Variants in KBTBD11 observed in about 807,000 individuals in gnomAD.
The protein encoded by KBTBD11 is kelch repeat and BTB domain containing 11, also known as kelch repeat and BTB domain-containing protein 11.
For synonymous variants in KBTBD11, 747 were observed against 499.0 expected (o/e 1.50, Z -6.63); for missense variants, 1,390 against 1,001.8 (o/e 1.39, Z -5.23).
chr8:1,995,545 T>C (rs1817105427), intron 1 of KBTBD11, among the ~76,000 whole-genome samples: 1 of 152,156 alleles, frequency 6.6e-6, no homozygotes, highest in African/African-American at 2.4e-5. Context: ...GGGCTGGGTG[T>C]GAGGACGGCC....
Position 2,002,210 on chromosome 8 carries a change from C to G in KBTBD11, c.1018C>G (p.Leu340Val). 7.9e-7 allele frequency: 1 copy of G among 1,262,040 alleles called. No homozygotes were observed. Among genetic ancestry groups the G allele is most frequent in the Non-Finnish European group, 9.9e-7 (1 of 1,007,514 alleles). 78.2% of individuals were successfully genotyped at this position (1,262,040 alleles called of 1,614,324 possible). Reference sequence around the variant, plus strand: ...CGCGGCGGCCGGAGAGTGGCGCGAGCTGACGCGGCTGCCCGAGGGCGCGCC... The same window carrying G: ...CGCGGCGGCCGGAGAGTGGCGCGAGGTGACGCGGCTGCCCGAGGGCGCGCC... ...FHAAAGEWRE[L>V]TRLPEGAPAR... is the part of the protein sequence containing the mutation. Residue 340 changes from leucine (L) to valine (V), a missense_variant, in exon 2 of 2, where the codon CTG (leucine) becomes GTG (valine). By Grantham distance (32) the Leu-to-Val change is conservative. Transcript: ENST00000320248. This position sits in a 1 kb window ranked among gnomAD's most constrained non-coding sequence, Gnocchi z 4.1.
At chr8:1,996,015 C>A (rs564677826) in intron 1 of KBTBD11, among the ~76,000 whole-genome samples, 20 of 152,150 alleles carry the variant, frequency 1.3e-4, no homozygotes, top group African/African-American at 4.1e-4. Context: ...CAGAGCAAGA[C>A]CCTGTCTCAA....
At chr8:1,987,900 G>A (rs1278095179) in intron 1 of KBTBD11, among the ~76,000 whole-genome samples, 2 of 151,718 alleles carry the variant, frequency 1.3e-5, no homozygotes, top group African/African-American at 2.4e-5. Flanking sequence ...AGCCCCCGAC[G>A]GGCCCCGGTG....
intron 1 of KBTBD11, among the ~76,000 whole-genome samples, chr8:1,977,843 AT>A (rs1339723042): frequency 6.6e-6 from 1 of 152,130 alleles, no homozygotes; most frequent in African/African-American, 2.4e-5. Flanking sequence ...GCTCAGAGCA[AT>A]TATTTTTTAA....
Position 2,001,970 on chromosome 8 carries a change from A to G in KBTBD11, c.778A>G (p.Ser260Gly). The change falls in exon 2 of 2, where the codon AGC becomes GGC. Residue 260 changes from serine (S) to glycine (G), a missense_variant. Physicochemically the swap from Ser to Gly is moderately conservative, Grantham distance 56. Transcript: ENST00000320248. ...ELRDAAYCFM[S>G]DHYLEVLREP... The stretch of plus-strand genomic sequence containing the variant: ...GCGCGACGCCGCCTACTGCTTCATG[A>G]GCGACCACTATCTGGAGGTGCTGCG... The G allele has an allele frequency of 1.4e-6, 2 of 1,468,130 alleles. No individual in the cohort carries two copies. Among genetic ancestry groups the G allele is most frequent in the Non-Finnish European group, 9.0e-7 (1 of 1,106,472 alleles). 90.9% of individuals were successfully genotyped at this position (1,468,130 alleles called of 1,614,324 possible). A position where few individuals can be genotyped will look rare whatever the true frequency, so the allele number is the denominator to read the frequency against.
At position 1,973,907 on chromosome 8, in the gene KBTBD11, C is replaced by A. The variant is rs1816210691; in HGVS notation, c.-937C>A. On this transcript the variant is annotated 5_prime_UTR_variant, in exon 1 of 2. Transcript: ENST00000320248. Reference sequence around the variant, plus strand: ...CACCCGCCTGGCTGCGCGTCCCGGGCCCGGCGGCTGAAGAGGAGCCGCGGC... The same window carrying A: ...CACCCGCCTGGCTGCGCGTCCCGGGACCGGCGGCTGAAGAGGAGCCGCGGC... 1.0e-6 allele frequency: 1 copy of A among 982,932 alleles called. No individual in the cohort carries two copies. The allele number at this position is 982,932 out of a possible 1,614,324, so 60.9% of individuals were successfully genotyped here. A position where few individuals can be genotyped will look rare whatever the true frequency, so the allele number is the denominator to read the frequency against.
chr8:2,003,614 T>C lies in KBTBD11; in HGVS notation c.*550T>C, dbSNP rs1817482686. The C allele has an allele frequency of 6.0e-6, 1 of 167,082 alleles. No homozygotes were observed. The highest frequency in any genetic ancestry group is 2.1e-4 in the South Asian group (1 of 4,836). The allele number at this position is 167,082 out of a possible 1,614,324, so 10.3% of individuals were successfully genotyped here. ...TGGCTCAACTCCAAAAAGAGTAATT[T>C]AATAAGCATTAAAGGTAAAATCTTT... On this transcript the variant is annotated 3_prime_UTR_variant, in exon 2 of 2. Coordinates refer to ENST00000320248, the MANE Select transcript of KBTBD11 (RefSeq NM_014867.3).
At position 2,000,670 on chromosome 8, in the gene KBTBD11, G is replaced by T. The variant is rs549188129; in HGVS notation, c.-523G>T. On this transcript the variant is annotated 5_prime_UTR_variant, in exon 2 of 2. The change creates a premature stop within an existing upstream ORF in the 5' untranslated region. Coordinates refer to ENST00000320248, the MANE Select transcript of KBTBD11 (RefSeq NM_014867.3). The stretch of plus-strand genomic sequence containing the variant: ...GGGGCGCGGTGATATGACAGCATGT[G>T]AAGTGAGTGGGTGAGCACGGACTCC... 6.5e-6 allele frequency: 1 copy of T among 154,306 alleles called. No individual in the cohort carries two copies. The highest frequency in any genetic ancestry group is 2.4e-5 in the African/African-American group (1 of 41,668). 9.6% of individuals were successfully genotyped at this position (154,306 alleles called of 1,614,324 possible).
At chr8:1,989,628 A>G (rs962106245) in intron 1 of KBTBD11, among the ~76,000 whole-genome samples, 5 of 152,218 alleles carry the variant, frequency 3.3e-5, no homozygotes, top group African/African-American at 9.7e-5. Context: ...CAGGAAATCT[A>G]TGCAACAAGT....
intron 1 of KBTBD11, among the ~76,000 whole-genome samples, chr8:1,995,968 G>A (rs188480781): frequency 2.6e-5 from 4 of 152,268 alleles, no homozygotes; most frequent in Admixed American, 2.0e-4. Flanking sequence ...AAGCTGCAGT[G>A]AGCCATGCTT....
chr8:2,002,174 T>G lies in KBTBD11; in HGVS notation c.982T>G (p.Tyr328Asp). 1 of 1,237,580 alleles carries G rather than the reference T, an allele frequency of 8.1e-7. No homozygotes were observed. Among genetic ancestry groups the G allele is most frequent in the Non-Finnish European group, 1.0e-6 (1 of 993,184 alleles). The allele number at this position is 1,237,580 out of a possible 1,614,324, so 76.7% of individuals were successfully genotyped here. Residue 328 changes from tyrosine (Y) to aspartate (D), a missense_variant, in exon 2 of 2, where the codon TAC becomes GAC. Transcript: ENST00000320248. This position sits in a 1 kb window ranked among gnomAD's most constrained non-coding sequence, Gnocchi z 4.1. ...DADARGDAAV[Y>D]CFHAAAGEWR... is the part of the protein sequence containing the mutation. ...GGACGCGCGCGGGGACGCGGCCGTC[T>G]ACTGCTTCCACGCGGCGGCCGGAGA...
At chr8:1,973,973 C>A (rs1010402744) in intron 1 of KBTBD11, 38 bp downstream of exon 1, 1 of 959,144 alleles carries the variant, frequency 1.0e-6, no homozygotes, top group Non-Finnish European at 1.2e-6. Context: ...CGGGGCCTGG[C>A]GGGCGGAGCG....
Position 2,005,769 on chromosome 8 carries a change from C to T in KBTBD11, c.*2705C>T, listed in dbSNP as rs1817555134. 6.0e-6 allele frequency: 1 copy of T among 167,046 alleles called. No individual in the cohort carries two copies. The highest frequency in any genetic ancestry group is 6.5e-5 in the Admixed American group (1 of 15,286). 10.3% of individuals were successfully genotyped at this position (167,046 alleles called of 1,614,324 possible). A position where few individuals can be genotyped will look rare whatever the true frequency, so the allele number is the denominator to read the frequency against. ...CCGGGGCATTTCCAAATGTCTGACT[C>T]GTGAAATTAACCCATACGCAGGGGC... On this transcript the variant is annotated 3_prime_UTR_variant, in exon 2 of 2. Transcript: ENST00000320248.
chr8:1,973,969 C>G (rs1057102911), intron 1 of KBTBD11, 34 bp downstream of exon 1: 10 of 978,800 alleles, frequency 1.0e-5, no homozygotes, highest in Non-Finnish European at 1.2e-5. Flanking sequence ...GCGGCGGGGC[C>G]TGGCGGGCGG....
intron 1 of KBTBD11, chr8:1,974,649 C>A: frequency 2.0e-6 from 2 of 985,400 alleles, no homozygotes; most frequent in Non-Finnish European, 2.4e-6. Flanking sequence ...CCGGGCGCCC[C>A]TTGCAGCCCC....
chr8:1,978,622 G>T (rs879606113), intron 1 of KBTBD11, among the ~76,000 whole-genome samples: 1 of 152,238 alleles, frequency 6.6e-6, no homozygotes, highest in Non-Finnish European at 1.5e-5. Flanking sequence ...GGGAGGTCAT[G>T]TTGTGTTGCT....
intron 1 of KBTBD11, chr8:1,974,333 C>T: frequency 1.0e-6 from 1 of 984,698 alleles, no homozygotes; most frequent in African/African-American, 1.7e-5. Flanking sequence ...CCCGCAGTCA[C>T]CGCCCCCGCC....
intron 1 of KBTBD11, among the ~76,000 whole-genome samples, chr8:1,983,761 A>G (rs1425621838): frequency 6.6e-6 from 1 of 152,238 alleles, no homozygotes; most frequent in Non-Finnish European, 1.5e-5. Flanking sequence ...CTCCCAATTA[A>G]TTTGGAGACT....
intron 1 of KBTBD11, among the ~76,000 whole-genome samples, chr8:1,985,392 C>T (rs1563366003): frequency 6.6e-6 from 1 of 152,244 alleles, no homozygotes; most frequent in African/African-American, 2.4e-5. Flanking sequence ...CTGTCTCATG[C>T]GCTTAGGGGT....
Sources: gnomAD v4.1 joint callset for allele counts (sites outside exome capture counted in the v4.1 genomes callset) on GRCh38, gnomAD v4.1.1 for gene constraint, Gnocchi (gnomAD v3.1) non-coding constraint, MANE v1.5 for transcripts, NCBI Gene and HGNC (gene_info 2026-07-23, HGNC 2026-07-21) for gene names.